The following DGKB variants were observed in gnomAD, a reference collection of about 807,000 sequenced individuals.
The protein encoded by DGKB is 90 kDa diacylglycerol kinase.
Under a neutral mutation model 114.3 loss-of-function variants are expected in DGKB, and 67 were observed. That is an observed-to-expected ratio of 0.59 (90% CI 0.48 to 0.72). The LOEUF (loss-of-function observed/expected upper bound fraction) is 0.72. DGKB is among the 30% of genes least tolerant of loss of function. The probability of loss-of-function intolerance (pLI) is 0.00; values close to 1 mark genes in which losing one functional copy is unlikely to be tolerated. For missense variants in DGKB, 907 were observed against 975.2 expected, an observed-to-expected ratio of 0.93 and a Z score of 0.93; for synonymous variants, 398 against 323.1, an observed-to-expected ratio of 1.23 and a Z score of -2.49.
At chr7:14,490,923 T>C (rs900470718) in intron 20 of DGKB, among the ~76,000 whole-genome samples, 4 of 152,076 alleles carry the variant, frequency 2.6e-5, no homozygotes, top group Non-Finnish European at 5.9e-5. Flanking sequence ...TGGTAAATTA[T>C]TCATTTTGAC....
intron 25 of DGKB, among the ~76,000 whole-genome samples, chr7:14,149,718 A>T (rs190429767): frequency 6.6e-6 from 1 of 152,168 alleles, no homozygotes; most frequent in East Asian, 1.9e-4. Context: ...TCTCTCTTTC[A>T]ACATGAACTG....
At chr7:14,830,478 T>A (rs530791056) in intron 2 of DGKB, among the ~76,000 whole-genome samples, 48 of 152,202 alleles carry the variant, frequency 3.2e-4, no homozygotes, top group Non-Finnish European at 6.3e-4. Context: ...TCTGGGGAAC[T>A]CTCCTTTCAA....
intron 21 of DGKB, among the ~76,000 whole-genome samples, chr7:14,369,025 AC>A (rs1326441369): frequency 6.6e-6 from 1 of 151,590 alleles, no homozygotes; most frequent in Non-Finnish European, 1.5e-5. Flanking sequence ...GCACTCATCA[AC>A]CCCCCATCTA....
intron 9 of DGKB, among the ~76,000 whole-genome samples, chr7:14,692,670 C>T (rs6461119): frequency 1 from 150,561 of 150,564 alleles, 75,279 homozygotes; most frequent in Middle Eastern, 1. Context: ...TGTAGAACTA[C>T]ATACTTATTA....
At chr7:14,644,582 T>C (rs1023990131) in intron 13 of DGKB, among the ~76,000 whole-genome samples, 5 of 152,040 alleles carry the variant, frequency 3.3e-5, no homozygotes, top group Admixed American at 2.0e-4. Context: ...GTTGAGAGCT[T>C]CAACAATTAC....
At chr7:14,485,396 T>C (rs1376783392) in intron 20 of DGKB, among the ~76,000 whole-genome samples, 1 of 151,612 alleles carries the variant, frequency 6.6e-6, no homozygotes, top group Non-Finnish European at 1.5e-5. Flanking sequence ...CTGTGAATAC[T>C]TCAGATGGAA....
At chr7:14,797,202 C>G (rs1841526991) in intron 2 of DGKB, among the ~76,000 whole-genome samples, 1 of 152,188 alleles carries the variant, frequency 6.6e-6, no homozygotes, top group Admixed American at 6.5e-5. Context: ...ACAAAAGTCT[C>G]ACCTGAGTCA....
intron 21 of DGKB, among the ~76,000 whole-genome samples, chr7:14,380,713 G>C (rs750029310): frequency 1.4e-4 from 21 of 152,056 alleles, no homozygotes; most frequent in Non-Finnish European, 2.4e-4. Context: ...TTTTCTGAGG[G>C]TCTGTTGAGT....
chr7:14,815,859 C>T (rs1844066416), intron 2 of DGKB, among the ~76,000 whole-genome samples: 1 of 152,158 alleles, frequency 6.6e-6, no homozygotes, highest in Admixed American at 6.5e-5. Context: ...GGAAAGCATT[C>T]CCTGGACCAG....
At chr7:14,572,229 G>A (rs531062599) in intron 20 of DGKB, among the ~76,000 whole-genome samples, 4 of 151,788 alleles carry the variant, frequency 2.6e-5, no homozygotes, top group South Asian at 2.1e-4. Flanking sequence ...CGAGGTGGGC[G>A]GATCATGAGG....
At chr7:14,864,475 A>G (rs1171644141) in intron 1 of DGKB, among the ~76,000 whole-genome samples, 2 of 152,202 alleles carry the variant, frequency 1.3e-5, no homozygotes, top group East Asian at 3.8e-4. Context: ...AAGGTAAATG[A>G]AACACAATAT....
intron 20 of DGKB, among the ~76,000 whole-genome samples, chr7:14,567,596 T>G (rs566717754): frequency 1.6e-3 from 174 of 109,378 alleles, no homozygotes; most frequent in African/African-American, 6.3e-3. Context: ...TAAATAAAGA[T>G]ATATATATAT....
chr7:14,718,771 G>A (rs1389933758), intron 5 of DGKB, 86 bp from the exon 6 acceptor site: 7 of 982,730 alleles, frequency 7.1e-6, no homozygotes, highest in Non-Finnish European at 9.0e-6. Flanking sequence ...AGAACACACA[G>A]GCTACATAGA....
chr7:14,678,674 A>G (rs1269591882), intron 12 of DGKB, among the ~76,000 whole-genome samples: 1 of 152,052 alleles, frequency 6.6e-6, no homozygotes, highest in East Asian at 1.9e-4. Context: ...AAGAAGGCAT[A>G]TAACAAACTA....
At chr7:14,522,554 C>A (rs1415901565) in intron 20 of DGKB, among the ~76,000 whole-genome samples, 1 of 152,178 alleles carries the variant, frequency 6.6e-6, no homozygotes, top group Non-Finnish European at 1.5e-5. Context: ...GCCCTTTCGG[C>A]AGTGGCAGCA....
At chr7:14,284,924 G>C (rs1489568169) in intron 23 of DGKB, among the ~76,000 whole-genome samples, 1 of 151,256 alleles carries the variant, frequency 6.6e-6, no homozygotes, top group Non-Finnish European at 1.5e-5. Flanking sequence ...TGACGAGTTA[G>C]TGGGTGAAGC....
rs559232193 is a variant in DGKB, at chr7:14,457,185, T to C, written c.1835+20976A>G. Among the ~76,000 whole-genome samples the C allele has an allele frequency of 3.9e-5, 6 of 152,296 alleles. 1 individual carries two copies. In the East Asian group the frequency reaches 1.2e-3, roughly 29 times the overall value. On this transcript the variant is annotated intron_variant, in intron 21 of 25. Coordinates refer to ENST00000402815, the MANE Select transcript of DGKB (RefSeq NM_001350709.2). ...TATGCCGCATGTTAAAATAATATGA[T>C]ATCATAGTGCACTAGTAAAGAGGGT...
At chr7:14,596,389 T>A (rs1389958365) in intron 17 of DGKB, among the ~76,000 whole-genome samples, 6 of 152,128 alleles carry the variant, frequency 3.9e-5, no homozygotes. Context: ...ACTATACACA[T>A]ATTCTGTTAC....
At chr7:14,458,734 C>T (rs999221077) in intron 21 of DGKB, among the ~76,000 whole-genome samples, 16 of 152,220 alleles carry the variant, frequency 1.1e-4, no homozygotes, top group Admixed American at 5.2e-4. Context: ...AGTGCCTACA[C>T]CACCAGGGCC....
Sources: gnomAD v4.1 joint callset for allele counts (sites outside exome capture counted in the v4.1 genomes callset) on GRCh38, gnomAD v4.1.1 for gene constraint, MANE v1.5 for transcripts, NCBI Gene and HGNC (gene_info 2026-07-23, HGNC 2026-07-21) for gene names.